The following MGAM variants were observed in gnomAD, a reference collection of about 807,000 sequenced individuals.
MGAM encodes the protein alpha-1,4-glucosidase.
In MGAM, 253 loss-of-function variants were observed where a neutral mutation model predicts 358.8. The ratio of observed to expected loss-of-function variants is 0.71; its 90% confidence interval spans 0.64 to 0.78. The LOEUF is 0.78. Ranked by LOEUF, MGAM falls within the 30% of genes least tolerant of loss-of-function variation. The probability of loss-of-function intolerance (pLI) is 0.00; values close to 1 mark genes in which losing one functional copy is unlikely to be tolerated. For synonymous variants in MGAM, 1,105 were observed against 1,227.1 expected, an observed-to-expected ratio of 0.90 and a Z score of 2.08; for missense variants, 3,080 against 3,432.6, an observed-to-expected ratio of 0.90 and a Z score of 2.57.
At chr7:142,022,246 T>A (rs1554459151) in intron 6 of MGAM, 22 bp from the exon 7 acceptor site, 2 of 1,584,114 alleles carry the variant, frequency 1.3e-6, no homozygotes, top group African/African-American at 2.7e-5. Context: ...CACCCATCCT[T>A]GTGTTCTCCA....
chr7:142,091,834 G>C, intron 57 of MGAM, 79 bp from the exon 58 acceptor site: 2 of 1,345,568 alleles, frequency 1.5e-6, no homozygotes, highest in African/African-American at 1.4e-5. Context: ...GTATTTGTGC[G>C]AGTTGCATTC....
At chr7:142,067,502 A>T (rs2129045202) in intron 42 of MGAM, 77 bp downstream of exon 42, 1 of 1,180,102 alleles carries the variant, frequency 8.5e-7, no homozygotes, top group South Asian at 1.4e-5. Flanking sequence ...AAGAGGCCTG[A>T]GCTGGTGGGG....
intron 65 of MGAM, 118 bp from the exon 66 acceptor site, chr7:142,097,475 G>A: frequency 1.1e-6 from 1 of 951,470 alleles, no homozygotes; most frequent in South Asian, 1.4e-5. Context: ...GACCTCCTGG[G>A]ACATGAGGCA....
intron 40 of MGAM, 140 bp downstream of exon 40, chr7:142,065,971 T>A: frequency 1.3e-6 from 1 of 755,280 alleles, no homozygotes; most frequent in Non-Finnish European, 2.0e-6. Context: ...TTGTTTTGTT[T>A]TTTTTTTTGA....
Position 142,103,275 on chromosome 7 carries a change from A to C in MGAM, c.8020A>C (p.Met2674Leu), listed in dbSNP as rs771649432. 19 of 1,601,828 alleles carry C rather than the reference A, an allele frequency of 1.2e-5. No individual in the cohort carries two copies. The change falls in exon 70 of 71, where the codon ATG becomes CTG. Residue 2674 changes from methionine (M) to leucine (L), a missense_variant. Coordinates refer to ENST00000475668, the MANE Select transcript of MGAM (RefSeq NM_001365693.1). ...LASFSASQNTMQSHIIFNNYI... is the reference protein window; with the variant it reads ...LASFSASQNTLQSHIIFNNYI... ...TTTATCTCCAATTCAACAGAATACG[A>C]TGCAAAGCCATATAATTTTCAACAA...
At chr7:142,079,834 G>A (rs555211641) in intron 49 of MGAM, among the ~76,000 whole-genome samples, 1 of 146,372 alleles carries the variant, frequency 6.8e-6, no homozygotes, top group African/African-American at 2.4e-5. Flanking sequence ...CTGAGTTTTT[G>A]TACATCGTCT....
Position 142,056,856 on chromosome 7 carries a change from T to G in MGAM, c.3607T>G (p.Leu1203Val), listed in dbSNP as rs1341843312. The G allele has an allele frequency of 3.1e-6, 5 of 1,613,864 alleles. No homozygotes were observed. In the East Asian group the frequency reaches 1.1e-4, roughly 36 times the overall value. ...TGTGACGTTCCAGCCCCTGCCTGCC[T>G]TGACATACCGCACCACAGGGGGAGT... is the stretch of plus-strand genomic sequence containing the variant. ...MDVTFQPLPA[L>V]TYRTTGGVLD... Residue 1203 changes from leucine (L) to valine (V), a missense_variant, in exon 30 of 71, where the codon TTG becomes GTG. By Grantham distance (32) the Leu-to-Val change is conservative (BLOSUM62 1). Coordinates refer to ENST00000475668, the MANE Select transcript of MGAM (RefSeq NM_001365693.1).
At chr7:142,102,947 G>A (rs763146537) in intron 69 of MGAM, among the ~76,000 whole-genome samples, 3 of 152,194 alleles carry the variant, frequency 2.0e-5, no homozygotes, top group Admixed American at 1.3e-4. Flanking sequence ...TCTAGCCCTT[G>A]TTCCTGAGTT....
In MGAM at chr7:142,078,221, A is replaced by G. The variant is rs1178911418; in HGVS notation, c.5494-97A>G. ...TGGTTGAAAGTCTGGACTGATGTCTATTTGTTTTTCCAAAATAAATAAATA... is the reference window on the plus strand; with the variant it reads ...TGGTTGAAAGTCTGGACTGATGTCTGTTTGTTTTTCCAAAATAAATAAATA... On this transcript the variant is annotated intron_variant, in intron 47 of 70. Transcript: ENST00000475668. The G allele has an allele frequency of 9.4e-5, 97 of 1,036,340 alleles. 14 individuals carry two copies. The highest frequency in any genetic ancestry group is 3.0e-5 in the Admixed American group (1 of 33,496). The allele number at this position is 1,036,340 out of a possible 1,614,324, so 64.2% of individuals were successfully genotyped here. A position where few individuals can be genotyped will look rare whatever the true frequency, so the allele number is the denominator to read the frequency against.
chr7:142,078,904 A>G lies in MGAM; in HGVS notation c.5743A>G (p.Ile1915Val). The change falls in exon 49 of 71, where the codon ATC becomes GTC. Residue 1915 changes from isoleucine to valine, a missense_variant. Physicochemically the swap from Ile to Val is conservative, Grantham distance 29. Transcript: ENST00000475668. ...QYNSHGATAD[I>V]SLKSSVHANA... ...TAACTCCCATGGGGCCACAGCTGAC[A>G]TCTCCTTAAAGTCTTCTGTTCATGC... is the stretch of plus-strand genomic sequence containing the variant. The G allele has an allele frequency of 6.4e-7, 1 of 1,555,598 alleles. No homozygotes were observed. Among genetic ancestry groups the G allele is most frequent in the Non-Finnish European group, 8.8e-7 (1 of 1,132,104 alleles).
intron 5 of MGAM, 67 bp from the exon 6 acceptor site, chr7:142,021,518 AG>A: frequency 6.8e-7 from 1 of 1,479,656 alleles, no homozygotes. Context: ...CAGTATCCTA[AG>A]TAGGGATATT....
In MGAM at chr7:142,071,020, G is replaced by C; in HGVS notation, c.5088G>C (p.Glu1696Asp). Residue 1696 changes from glutamate (E) to aspartate (D), a missense_variant, in exon 44 of 71, where the codon GAG (glutamate) becomes GAC (aspartate). By Grantham distance (45) the Glu-to-Asp change is conservative. Coordinates refer to ENST00000475668, the MANE Select transcript of MGAM (RefSeq NM_001365693.1). ...GTGTGGATATTAATGCAAGAGGAGA[G>C]TGGAAGACCTTGCCAGCCCCTCTTG... ...YTGVDINARG[E>D]WKTLPAPLDH... The C allele has an allele frequency of 6.4e-7, 1 of 1,556,202 alleles. No homozygotes were observed. Among genetic ancestry groups the C allele is most frequent in the Non-Finnish European group, 8.8e-7 (1 of 1,132,492 alleles).
At chr7:142,043,673 T>G (rs1364798874) in intron 21 of MGAM, among the ~76,000 whole-genome samples, 1 of 130,704 alleles carries the variant, frequency 7.7e-6, no homozygotes, top group Admixed American at 8.4e-5. Flanking sequence ...ATATTATATA[T>G]ACATATACTA....
intron 21 of MGAM, among the ~76,000 whole-genome samples, chr7:142,044,336 ATATATAT>A (rs1195590200): frequency 7.1e-6 from 1 of 139,916 alleles, no homozygotes; most frequent in African/African-American, 2.6e-5. Flanking sequence ...ATAATATATA[ATATATAT>A]ATAATATACA....
chr7:141,990,220 A>G (rs1554446993), intron 2 of MGAM, among the ~76,000 whole-genome samples: 1 of 152,262 alleles, frequency 6.6e-6, no homozygotes, highest in African/African-American at 2.4e-5. Context: ...AACGACAATT[A>G]CAACACACAT....
intron 59 of MGAM, 37 bp downstream of exon 59, chr7:142,092,645 G>A: frequency 6.8e-7 from 1 of 1,480,796 alleles, no homozygotes. Context: ...GCAGAGCCAT[G>A]ATTGAAAGAA....
intron 7 of MGAM, 85 bp downstream of exon 7, chr7:142,022,524 A>G: frequency 2.1e-6 from 3 of 1,402,684 alleles, no homozygotes; most frequent in Non-Finnish European, 1.9e-6. Context: ...GTAGTGTTTA[A>G]GAGTTAGAGT....
At chr7:142,008,836 G>A in intron 3 of MGAM, 131 bp downstream of exon 3, 1 of 949,096 alleles carries the variant, frequency 1.1e-6, no homozygotes. Flanking sequence ...GCCATTAGTG[G>A]CTCAGGCAAA....
chr7:142,065,919 C>T, intron 40 of MGAM, 88 bp downstream of exon 40: 2 of 1,068,050 alleles, frequency 1.9e-6, no homozygotes, highest in Non-Finnish European at 2.7e-6. Flanking sequence ...GTCTCTATTT[C>T]CTGGGATATC....
Sources: allele counts gnomAD v4.1 joint callset (sites outside exome capture counted in the v4.1 genomes callset), GRCh38; gene constraint gnomAD v4.1.1; transcripts MANE v1.5; gene names NCBI Gene and HGNC (gene_info 2026-07-23, HGNC 2026-07-21).